KHDRBS2: variants seen among roughly 807,000 people sequenced by gnomAD.
The protein encoded by KHDRBS2 is KH RNA binding domain containing, signal transduction associated 2.
In KHDRBS2, 26 loss-of-function variants were observed where a neutral mutation model predicts 44.3. The observed-to-expected ratio is 0.59, with a 90% CI of 0.43 to 0.81. The LOEUF (loss-of-function observed/expected upper bound fraction) is 0.81. KHDRBS2 is among the 40% of genes least tolerant of loss of function. The probability of loss-of-function intolerance (pLI) is 0.00; values close to 1 mark genes in which losing one functional copy is unlikely to be tolerated. For missense variants in KHDRBS2, 476 were observed against 433.1 expected, an observed-to-expected ratio of 1.10 and a Z score of -0.88; for synonymous variants, 194 against 151.1, an observed-to-expected ratio of 1.28 and a Z score of -2.08.
chr6:61,740,999 C>T (rs1776055960), intron 6 of KHDRBS2, among the ~76,000 whole-genome samples: 1 of 151,792 alleles, frequency 6.6e-6, no homozygotes, highest in African/African-American at 2.4e-5. Flanking sequence ...AGCACTACTT[C>T]CGCTCTAGGA....
At chr6:62,154,021 G>A (rs1013441467) in intron 2 of KHDRBS2, among the ~76,000 whole-genome samples, 5 of 152,116 alleles carry the variant, frequency 3.3e-5, no homozygotes, top group African/African-American at 7.2e-5. Flanking sequence ...TAGTAGAAGC[G>A]TTTCTTTCTT....
chr6:62,066,085 G>T (rs1482747068), intron 2 of KHDRBS2, among the ~76,000 whole-genome samples: 1 of 151,578 alleles, frequency 6.6e-6, no homozygotes, highest in African/African-American at 2.4e-5. Context: ...TGTATTAGGG[G>T]TACATTCTTC....
chr6:62,066,457 T>G (rs1793749197), intron 2 of KHDRBS2, among the ~76,000 whole-genome samples: 1 of 151,730 alleles, frequency 6.6e-6, no homozygotes, highest in African/African-American at 2.4e-5. Flanking sequence ...TTTGACTTTC[T>G]TTAAATGAGC....
intron 2 of KHDRBS2, among the ~76,000 whole-genome samples, chr6:62,052,212 A>C (rs1789226481): frequency 6.6e-6 from 1 of 152,082 alleles, no homozygotes; most frequent in Non-Finnish European, 1.5e-5. Flanking sequence ...TATTCATGAT[A>C]CTAAAGATAT....
chr6:61,677,216 C>T (rs761367960), downstream of KHDRBS2, among the ~76,000 whole-genome samples: 1 of 151,814 alleles, frequency 6.6e-6, no homozygotes, highest in Non-Finnish European at 1.5e-5. Flanking sequence ...ATTAACACAT[C>T]AAAAGAATAA....
At chr6:61,934,005 A>AACTG (rs1349833390) in intron 4 of KHDRBS2, among the ~76,000 whole-genome samples, 3 of 152,114 alleles carry the variant, frequency 2.0e-5, no homozygotes, top group Non-Finnish European at 4.4e-5. Context: ...TGGACATTCT[A>AACTG]ACTGGGGTGA....
chr6:62,266,525 C>T (rs1839228271), intron 1 of KHDRBS2, among the ~76,000 whole-genome samples: 1 of 152,010 alleles, frequency 6.6e-6, no homozygotes, highest in Non-Finnish European at 1.5e-5. Context: ...CAGTAACTTG[C>T]TTGAAAATAA....
At chr6:61,682,560 T>C (rs1766422138) in intron 8 of KHDRBS2, among the ~76,000 whole-genome samples, 1 of 151,938 alleles carries the variant, frequency 6.6e-6, no homozygotes, top group African/African-American at 2.4e-5. Flanking sequence ...GCTGTTTATT[T>C]ACATATTGTC....
intron 4 of KHDRBS2, among the ~76,000 whole-genome samples, chr6:61,935,113 C>T (rs1351211707): frequency 1.4e-4 from 21 of 152,004 alleles, no homozygotes; most frequent in Admixed American, 1.4e-3. Flanking sequence ...TTTCTAAAAC[C>T]CCTAATTTGT....
intron 3 of KHDRBS2, among the ~76,000 whole-genome samples, chr6:61,992,239 C>T (rs1776271846): frequency 6.6e-6 from 1 of 152,178 alleles, no homozygotes; most frequent in African/African-American, 2.4e-5. Context: ...CCTGGCATTT[C>T]AGACTTTTAA....
chr6:62,114,089 C>A (rs1453700009), intron 2 of KHDRBS2, among the ~76,000 whole-genome samples: 4 of 152,074 alleles, frequency 2.6e-5, no homozygotes, highest in Admixed American at 2.0e-4. Flanking sequence ...AGATCTCACT[C>A]ACTATCATGA....
chr6:62,243,994 CAATT>C (rs747031074), intron 1 of KHDRBS2, among the ~76,000 whole-genome samples: 2 of 152,046 alleles, frequency 1.3e-5, no homozygotes, highest in South Asian at 2.1e-4. Context: ...CCTCTTTAAT[CAATT>C]AGTGTGATAA....
intron 6 of KHDRBS2, chr6:61,816,698 C>G: frequency 2.4e-6 from 1 of 412,874 alleles, no homozygotes. Flanking sequence ...AAGACAGACT[C>G]ATTTATTCTT....
chr6:61,761,271 G>A (rs1360125052), intron 6 of KHDRBS2, among the ~76,000 whole-genome samples: 1 of 152,164 alleles, frequency 6.6e-6, no homozygotes, highest in African/African-American at 2.4e-5. Context: ...TTAATCAGGT[G>A]TCTGGGTTTG....
In KHDRBS2 at chr6:62,063,984, C is replaced by T. The variant is rs372450095; in HGVS notation, c.220-15990G>A. ...AATCACAAGCGTTCTTATACACCAA[C>T]AACAGACAAACAGAGACCCAAATCA... On this transcript the variant is annotated intron_variant, in intron 2 of 8. Coordinates refer to ENST00000281156, the MANE Select transcript of KHDRBS2 (RefSeq NM_152688.4). 7.4e-5 allele frequency among the ~76,000 whole-genome samples: 11 copies of T among 148,908 alleles called. No individual in the cohort carries two copies. In the East Asian group the frequency reaches 1.8e-3, roughly 24 times the overall value.
intron 3 of KHDRBS2, among the ~76,000 whole-genome samples, chr6:62,006,589 T>C (rs1166218992): frequency 6.6e-6 from 1 of 151,992 alleles, no homozygotes; most frequent in Non-Finnish European, 1.5e-5. Flanking sequence ...AACATTTAGA[T>C]TCAGCTAACA....
intron 1 of KHDRBS2, among the ~76,000 whole-genome samples, chr6:62,217,175 C>T (rs937820397): frequency 2.0e-5 from 3 of 151,728 alleles, no homozygotes; most frequent in African/African-American, 7.2e-5. Flanking sequence ...AGCAATGTCT[C>T]TTCGCCGTTT....
chr6:61,783,101 T>C (rs1783260046), intron 6 of KHDRBS2, among the ~76,000 whole-genome samples: 1 of 152,098 alleles, frequency 6.6e-6, no homozygotes, highest in Non-Finnish European at 1.5e-5. Context: ...AGTACAGTAC[T>C]TGAAGCTACC....
the KHDRBS2 span, among the ~76,000 whole-genome samples, chr6:61,584,454 C>A: frequency 6.6e-6 from 1 of 151,766 alleles, no homozygotes; most frequent in Non-Finnish European, 1.5e-5. Flanking sequence ...TATTATATGA[C>A]CTTTCTTCCT....
Sources: allele counts gnomAD v4.1 joint callset (sites outside exome capture counted in the v4.1 genomes callset), GRCh38; gene constraint gnomAD v4.1.1; transcripts MANE v1.5; gene names NCBI Gene and HGNC (gene_info 2026-07-23, HGNC 2026-07-21).